The following PSPC1 variants were observed in gnomAD, a reference collection of about 807,000 sequenced individuals.
The protein encoded by PSPC1 is paraspeckle component 1.
PSPC1 carries 14 observed loss-of-function variants against 51.6 expected under a neutral mutation model. The ratio of observed to expected loss-of-function variants is 0.27; its 90% CI spans 0.18 to 0.42. PSPC1 has a LOEUF of 0.42. PSPC1 is among the 10% of genes least tolerant of loss of function. PSPC1 has a pLI of 1.00. For missense variants in PSPC1, 406 were observed against 701.1 expected, an observed-to-expected ratio of 0.58 and a Z score of 4.75; for synonymous variants, 193 against 231.9, an observed-to-expected ratio of 0.83 and a Z score of 1.53.
intron 6 of PSPC1, among the ~76,000 whole-genome samples, chr13:19,696,181 T>G (rs1176219915): frequency 6.6e-6 from 1 of 152,096 alleles, no homozygotes; most frequent in Non-Finnish European, 1.5e-5. Flanking sequence ...GATACCAAAT[T>G]CTATTTTAGG....
chr13:19,673,274 G>A (rs1323438601), downstream of PSPC1: 1 of 374,368 alleles, frequency 2.7e-6, no homozygotes, highest in Non-Finnish European at 5.3e-6. Context: ...GGGTTATGGA[G>A]AAGTTGAAAA....
chr13:19,731,857 C>CA (rs1199920053), intron 5 of PSPC1, among the ~76,000 whole-genome samples: 1 of 152,098 alleles, frequency 6.6e-6, no homozygotes, highest in Non-Finnish European at 1.5e-5. Context: ...AAACATGTCC[C>CA]ATAATGGATA....
chr13:19,691,048 C>T (rs764819319), intron 6 of PSPC1, among the ~76,000 whole-genome samples: 13 of 152,142 alleles, frequency 8.5e-5, no homozygotes, highest in Non-Finnish European at 1.8e-4. Context: ...CAAAAATGTT[C>T]AATAAAAATT....
chr13:19,701,864 G>C (rs1279166288), downstream of PSPC1, among the ~76,000 whole-genome samples: 1 of 152,210 alleles, frequency 6.6e-6, no homozygotes, highest in African/African-American at 2.4e-5. Context: ...TTTGTGGTAT[G>C]AGTCATATAT....
chr13:19,751,083 T>A (rs369859828), intron 4 of PSPC1, among the ~76,000 whole-genome samples, 188 bp downstream of exon 4: 1 of 152,072 alleles, frequency 6.6e-6, no homozygotes, highest in Non-Finnish European at 1.5e-5. Flanking sequence ...AAACTAACTT[T>A]TAGTAAGTTG....
At chr13:19,744,705 T>A (rs182157867) in intron 4 of PSPC1, among the ~76,000 whole-genome samples, 3 of 152,090 alleles carry the variant, frequency 2.0e-5, no homozygotes, top group Non-Finnish European at 2.9e-5. Flanking sequence ...GCTGGGATTA[T>A]AGGCGCCCAC....
chr13:19,709,466 T>G (rs1329335091), intron 7 of PSPC1, 76 bp downstream of exon 7: 2 of 1,164,038 alleles, frequency 1.7e-6, no homozygotes, highest in Non-Finnish European at 2.5e-6. Flanking sequence ...CTTACTGATA[T>G]GTAGATACCA....
At chr13:19,715,268 G>A (rs1881958136) in intron 6 of PSPC1, among the ~76,000 whole-genome samples, 2 of 152,180 alleles carry the variant, frequency 1.3e-5, no homozygotes, top group East Asian at 1.9e-4. Context: ...TTTTAAAATC[G>A]CAGTCAGTTT....
At chr13:19,688,244 T>G (rs1460124358) in intron 6 of PSPC1, among the ~76,000 whole-genome samples, 1 of 152,184 alleles carries the variant, frequency 6.6e-6, no homozygotes, top group Non-Finnish European at 1.5e-5. Context: ...AGGTTTCATG[T>G]GTAATCCGTC....
intron 6 of PSPC1, among the ~76,000 whole-genome samples, chr13:19,709,991 G>C (rs1054222465): frequency 6.6e-6 from 1 of 152,160 alleles, no homozygotes; most frequent in African/African-American, 2.4e-5. Flanking sequence ...TCTTAAAATA[G>C]AAATGACTGT....
downstream of PSPC1, chr13:19,702,415 G>C (rs1252380504): frequency 2.6e-5 from 4 of 152,122 alleles, no homozygotes; most frequent in South Asian, 2.1e-4. Context: ...GTAAGGTCTA[G>C]ATATTAAAAC....
chr13:19,671,377 T>C, downstream of PSPC1: 1 of 1,219,462 alleles, frequency 8.2e-7, no homozygotes, highest in East Asian at 2.4e-5. Context: ...ATTCCAAGAA[T>C]CCTGGTGTAC....
intron 1 of PSPC1, among the ~76,000 whole-genome samples, chr13:19,775,330 T>C (rs9578211): frequency 0.93 from 141,335 of 151,938 alleles, 66,628 homozygotes; most frequent in East Asian, 1. Flanking sequence ...CACGCCTGGG[T>C]GACAGAGCGA....
chr13:19,749,220 C>A (rs1043400966), intron 4 of PSPC1, among the ~76,000 whole-genome samples: 1 of 152,034 alleles, frequency 6.6e-6, no homozygotes. Context: ...TAGAGGCATA[C>A]ACTTGTAATC....
chr13:19,711,029 T>TA (rs1453427609), intron 6 of PSPC1, among the ~76,000 whole-genome samples: 1 of 151,772 alleles, frequency 6.6e-6, no homozygotes, highest in South Asian at 2.1e-4. Context: ...TTTGTAGAGA[T>TA]AGGGTCTCGC....
At chr13:19,685,254 T>C (rs978660783) in intron 6 of PSPC1, among the ~76,000 whole-genome samples, 1 of 152,202 alleles carries the variant, frequency 6.6e-6, no homozygotes, top group Non-Finnish European at 1.5e-5. Flanking sequence ...ATTAACAGCA[T>C]ATCCGTAAGT....
chr13:19,741,648 A>G lies in PSPC1; in HGVS notation c.969T>C (p.Asp323=), dbSNP rs56373338. 4.4e-6 allele frequency: 7 copies of G among 1,573,106 alleles called. No homozygotes were observed. In the East Asian group the frequency reaches 1.3e-4, roughly 30 times the overall value. Residue 323 remains aspartate, a splice_region_variant and synonymous_variant, in exon 5 of 9, where the codon GAT becomes GAC. Coordinates refer to ENST00000338910, the MANE Select transcript of PSPC1 (RefSeq NM_001354909.2). ...HEHQLMLMRQ[D]LMRRQEELRR... ...TGAGTTCTTCTTGACGCCTCATTAG[A>G]TCTATAAAATAATGACTGCACATTA...
chr13:19,676,078 ATC>A (rs1876599164), intron 7 of PSPC1, among the ~76,000 whole-genome samples: 1 of 152,108 alleles, frequency 6.6e-6, no homozygotes, highest in Admixed American at 6.5e-5. Flanking sequence ...AGCTTATAGA[ATC>A]TCTCTCCCCT....
Position 19,751,458 on chromosome 13 carries a change from T to G in PSPC1, c.780A>C (p.Glu260Asp). The change falls in exon 4 of 9, where the codon GAA becomes GAC. Residue 260 changes from glutamate (E) to aspartate (D), a missense_variant. Coordinates refer to ENST00000338910, the MANE Select transcript of PSPC1 (RefSeq NM_001354909.2). Reference sequence around the variant, plus strand: ...CAGGTTGAGCAAAACGTGGTGGTTGTTCTCTTTCCCTAAATTAACATTAAA... The same window carrying G: ...CAGGTTGAGCAAAACGTGGTGGTTGGTCTCTTTCCCTAAATTAACATTAAA... ...QKTQQYHKER[E>D]QPPRFAQPGT... The G allele has an allele frequency of 8.0e-6, 12 of 1,506,464 alleles. No individual in the cohort carries two copies. Among genetic ancestry groups the G allele is most frequent in the Non-Finnish European group, 1.1e-5 (12 of 1,130,848 alleles). 93.3% of individuals were successfully genotyped at this position (1,506,464 alleles called of 1,614,324 possible). A position where few individuals can be genotyped will look rare whatever the true frequency, so the allele number is the denominator to read the frequency against.
Sources: gnomAD v4.1 joint callset for allele counts (sites outside exome capture counted in the v4.1 genomes callset) on GRCh38, gnomAD v4.1.1 for gene constraint, MANE v1.5 for transcripts, NCBI Gene and HGNC (gene_info 2026-07-23, HGNC 2026-07-21) for gene names.